PDE1C: variants seen among roughly 807,000 people sequenced by gnomAD.
PDE1C encodes the protein dual specificity calcium/calmodulin-dependent 3',5'-cyclic nucleotide phosphodiesterase 1C.
PDE1C carries 62 observed loss-of-function variants against 93.1 expected under a neutral mutation model. The ratio of observed to expected loss-of-function variants is 0.67; its 90% CI spans 0.54 to 0.82. The LOEUF (loss-of-function observed/expected upper bound fraction) is 0.82. Ranked by LOEUF, PDE1C falls within the 40% of genes least tolerant of loss-of-function variation. The probability of loss-of-function intolerance (pLI) is 0.00; values close to 1 mark genes in which losing one functional copy is unlikely to be tolerated. For missense variants in PDE1C, 742 were observed against 884.6 expected (o/e 0.84, Z 2.04); for synonymous variants, 325 against 310.1 (o/e 1.05, Z -0.50).
At chr7:31,694,216 A>G in the PDE1C span, among the ~76,000 whole-genome samples, 1 of 152,186 alleles carries the variant, frequency 6.6e-6, no homozygotes, top group African/African-American at 2.4e-5. Flanking sequence ...AACACTCAGG[A>G]CTGGAGTTAA....
At chr7:31,909,165 G>A (rs988695815) in intron 2 of PDE1C, among the ~76,000 whole-genome samples, 1 of 152,086 alleles carries the variant, frequency 6.6e-6, no homozygotes, top group African/African-American at 2.4e-5. Flanking sequence ...GTCCTCTTAC[G>A]TGGTAAAGGG....
At chr7:31,801,713 A>T (rs527781498) in intron 16 of PDE1C, among the ~76,000 whole-genome samples, 1 of 151,682 alleles carries the variant, frequency 6.6e-6, no homozygotes, top group East Asian at 1.9e-4. Flanking sequence ...CAACATTATC[A>T]TTATGAAATG....
chr7:31,783,986 C>G (rs1195540527), intron 16 of PDE1C: 1 of 152,180 alleles, frequency 6.6e-6, no homozygotes, highest in Non-Finnish European at 1.5e-5. Flanking sequence ...TCCAGAAATA[C>G]CTTCCTTATT....
At chr7:32,403,754 T>C (rs1258049937) in intron 1 of PDE1C, among the ~76,000 whole-genome samples, 1 of 152,216 alleles carries the variant, frequency 6.6e-6, no homozygotes, top group Admixed American at 6.5e-5. Context: ...CGTCCTAAAT[T>C]GAATTGGCTT....
At chr7:31,692,071 T>C in the PDE1C span, among the ~76,000 whole-genome samples, 3 of 152,230 alleles carry the variant, frequency 2.0e-5, no homozygotes, top group Non-Finnish European at 4.4e-5. Context: ...AGCATGATTT[T>C]CTGTGACTCT....
chr7:31,698,048 G>A, the PDE1C span, among the ~76,000 whole-genome samples: 1 of 152,162 alleles, frequency 6.6e-6, no homozygotes. Context: ...CAGAATTGGG[G>A]CTCAAACCTA....
intron 16 of PDE1C, among the ~76,000 whole-genome samples, chr7:31,776,288 A>T (rs1385673405): frequency 6.6e-6 from 1 of 152,216 alleles, no homozygotes; most frequent in Non-Finnish European, 1.5e-5. Context: ...CGAGAATGAC[A>T]ACAATTGCGT....
chr7:32,143,429 T>A (rs1295162933), intron 3 of PDE1C, among the ~76,000 whole-genome samples: 1 of 151,552 alleles, frequency 6.6e-6, no homozygotes, highest in Admixed American at 6.6e-5. Flanking sequence ...AGAGCAGACA[T>A]CCCATCAGCT....
chr7:32,392,358 C>T (rs1034393776), intron 1 of PDE1C, among the ~76,000 whole-genome samples: 1 of 152,132 alleles, frequency 6.6e-6, no homozygotes, highest in South Asian at 2.1e-4. Flanking sequence ...TTTTACGTAA[C>T]ATTTATAGGA....
At chr7:31,660,227 C>T in the PDE1C span, among the ~76,000 whole-genome samples, 3 of 152,096 alleles carry the variant, frequency 2.0e-5, no homozygotes, top group East Asian at 3.9e-4. Context: ...AGCCTGAGAA[C>T]GGACTAATAC....
At chr7:31,931,363 T>C (rs1804226125) in intron 2 of PDE1C, among the ~76,000 whole-genome samples, 1 of 152,174 alleles carries the variant, frequency 6.6e-6, no homozygotes, top group Admixed American at 6.5e-5. Flanking sequence ...CAAAAACTCC[T>C]TAAGCTGATA....
chr7:32,217,946 T>C (rs1284067427), intron 1 of PDE1C, among the ~76,000 whole-genome samples: 1 of 152,216 alleles, frequency 6.6e-6, no homozygotes, highest in Non-Finnish European at 1.5e-5. Context: ...ATTAATTGCC[T>C]GGGATGAAAT....
chr7:31,864,720 CACT>C (rs1323854267), intron 7 of PDE1C, among the ~76,000 whole-genome samples: 1 of 152,146 alleles, frequency 6.6e-6, no homozygotes, highest in African/African-American at 2.4e-5. Flanking sequence ...AGACGCAAAT[CACT>C]ACTAGGTATT....
intron 9 of PDE1C, among the ~76,000 whole-genome samples, chr7:31,844,285 A>G (rs1792273814): frequency 6.6e-6 from 1 of 151,722 alleles, no homozygotes; most frequent in Non-Finnish European, 1.5e-5. Flanking sequence ...TATTTTTGAA[A>G]CTACCTTAAA....
intron 1 of PDE1C, among the ~76,000 whole-genome samples, chr7:32,358,987 G>A (rs1342214529): frequency 6.6e-6 from 1 of 150,966 alleles, no homozygotes; most frequent in Admixed American, 6.7e-5. Context: ...CTTGACCTTG[G>A]CTCCTGTCCT....
chr7:32,417,326 G>A (rs1339485478), intron 1 of PDE1C, among the ~76,000 whole-genome samples: 1 of 151,712 alleles, frequency 6.6e-6, no homozygotes, highest in East Asian at 1.9e-4. Flanking sequence ...TTAGTGGTAA[G>A]GAAGCCCTAC....
chr7:31,993,145 T>A (rs1049639197), intron 2 of PDE1C, among the ~76,000 whole-genome samples: 1 of 152,230 alleles, frequency 6.6e-6, no homozygotes, highest in Non-Finnish European at 1.5e-5. Flanking sequence ...GGTTTCACAC[T>A]AAGATAATAT....
chr7:32,374,139 C>T (rs1016398918), intron 1 of PDE1C, among the ~76,000 whole-genome samples: 21 of 62,460 alleles, frequency 3.4e-4, no homozygotes, highest in Admixed American at 6.5e-4. Context: ...AAGAAAGAGA[C>T]GAAAGAATGA....
At chr7:31,712,311 CTT>C in the PDE1C span, among the ~76,000 whole-genome samples, 2 of 129,660 alleles carry the variant, frequency 1.5e-5, no homozygotes, top group Non-Finnish European at 3.2e-5. Flanking sequence ...AATAAAAAGA[CTT>C]TGTAAGAAGC....
Sources: gnomAD v4.1 joint callset for allele counts (sites outside exome capture counted in the v4.1 genomes callset) on GRCh38, gnomAD v4.1.1 for gene constraint, MANE v1.5 for transcripts, NCBI Gene and HGNC (gene_info 2026-07-23, HGNC 2026-07-21) for gene names.